Variants in PRIM2 observed in about 807,000 individuals in gnomAD.
PRIM2 encodes the protein DNA primase large subunit.
PRIM2 carries 39 observed loss-of-function variants against 67.3 expected under a neutral mutation model. That is an observed-to-expected ratio of 0.58 (90% CI 0.45 to 0.76). The LOEUF (loss-of-function observed/expected upper bound fraction) is 0.76. Ranked by LOEUF, PRIM2 falls within the 30% of genes least tolerant of loss-of-function variation. The probability of loss-of-function intolerance (pLI) is 0.00; values close to 1 mark genes in which losing one functional copy is unlikely to be tolerated. For synonymous variants in PRIM2, 143 were observed against 198.7 expected (o/e 0.72, Z 2.36); for missense variants, 398 against 598.7 (o/e 0.66, Z 3.50).
At chr6:57,361,467 C>T (rs1038642758) in intron 5 of PRIM2, among the ~76,000 whole-genome samples, 1 of 149,794 alleles carries the variant, frequency 6.7e-6, no homozygotes, top group African/African-American at 2.5e-5. Flanking sequence ...CCTCTTTCTC[C>T]TTCTTGATGC....
chr6:57,482,647 G>A lies in PRIM2; in HGVS notation c.694-24740G>A, dbSNP rs1386140078. 7.9e-5 allele frequency among the ~76,000 whole-genome samples: 12 copies of A among 152,240 alleles called. No individual in the cohort carries two copies. In the South Asian group the frequency reaches 1.5e-3, roughly 18 times the overall value. On this transcript the variant is annotated intron_variant, in intron 7 of 13. Transcript: ENST00000615550. The stretch of plus-strand genomic sequence containing the variant: ...AGAGAAAAGAGGAACCAGTAGTACC[G>A]TGAAAGATTGAAGATGCGTGTGAGG...
chr6:57,235,698 G>A, the PRIM2 span, among the ~76,000 whole-genome samples: 12,548 of 152,212 alleles, frequency 0.082, 584 homozygotes, highest in African/African-American at 0.11. Flanking sequence ...ATTGTGAGAT[G>A]GGGAGATTGT....
chr6:57,372,699 G>A (rs944042734), intron 5 of PRIM2, among the ~76,000 whole-genome samples: 2 of 152,190 alleles, frequency 1.3e-5, no homozygotes, highest in African/African-American at 4.8e-5. Context: ...ATGAGAACAT[G>A]TGGTATTTGG....
At chr6:57,232,530 C>T in the PRIM2 span, among the ~76,000 whole-genome samples, 1 of 152,108 alleles carries the variant, frequency 6.6e-6, no homozygotes, top group African/African-American at 2.4e-5. Context: ...GCCTGGGTGA[C>T]AGAGTAAGAC....
chr6:57,335,017 G>A (rs1356706413), intron 5 of PRIM2, among the ~76,000 whole-genome samples: 1 of 152,238 alleles, frequency 6.6e-6, no homozygotes, highest in Non-Finnish European at 1.5e-5. Flanking sequence ...CCGTGCACGA[G>A]CCGAAGCAGG....
At chr6:57,499,368 C>G (rs1392581071) in intron 7 of PRIM2, among the ~76,000 whole-genome samples, 2 of 152,170 alleles carry the variant, frequency 1.3e-5, no homozygotes, top group Non-Finnish European at 2.9e-5. Flanking sequence ...ACAACAGAAA[C>G]AAGGTCATTC....
intron 5 of PRIM2, among the ~76,000 whole-genome samples, chr6:57,338,109 A>G (rs954804344): frequency 6.6e-6 from 1 of 151,694 alleles, no homozygotes; most frequent in Non-Finnish European, 1.5e-5. Context: ...AAAATCTAGA[A>G]GAAATGGGTA....
intron 12 of PRIM2, among the ~76,000 whole-genome samples, chr6:57,626,407 A>G (rs1776949608): frequency 6.6e-6 from 1 of 152,208 alleles, no homozygotes; most frequent in Non-Finnish European, 1.5e-5. Context: ...GTTCTGTATC[A>G]TCTATGTTCC....
chr6:57,254,333 G>A, the PRIM2 span, among the ~76,000 whole-genome samples: 73 of 152,280 alleles, frequency 4.8e-4, no homozygotes, highest in African/African-American at 1.7e-3. Flanking sequence ...ATGGCAACAA[G>A]TCCACTGTTT....
At chr6:57,262,334 A>C in the PRIM2 span, among the ~76,000 whole-genome samples, 1 of 152,066 alleles carries the variant, frequency 6.6e-6, no homozygotes, top group Non-Finnish European at 1.5e-5. Context: ...TTTTTTTTAC[A>C]TACCGATTAT....
At chr6:57,268,250 C>A in the PRIM2 span, among the ~76,000 whole-genome samples, 69 of 152,250 alleles carry the variant, frequency 4.5e-4, 1 homozygote, top group African/African-American at 1.6e-3. Context: ...AGGAATGTAG[C>A]CAGAATGCCC....
chr6:57,644,563 T>C (rs1777300143), intron 13 of PRIM2, among the ~76,000 whole-genome samples: 1 of 152,228 alleles, frequency 6.6e-6, no homozygotes, highest in African/African-American at 2.4e-5. Flanking sequence ...CACAGTCTTT[T>C]ATATAGTAAG....
At chr6:57,619,873 A>C (rs1270516362) in intron 12 of PRIM2, among the ~76,000 whole-genome samples, 6 of 152,194 alleles carry the variant, frequency 3.9e-5, no homozygotes, top group African/African-American at 1.4e-4. Context: ...AAACTTCCCC[A>C]GCCTTGCTAG....
chr6:57,531,305 C>T (rs1174039788), intron 8 of PRIM2, among the ~76,000 whole-genome samples: 2 of 152,194 alleles, frequency 1.3e-5, no homozygotes, highest in Admixed American at 6.5e-5. Flanking sequence ...GGCATGCCAC[C>T]ATGCCCAGGT....
At chr6:57,527,874 T>G (rs2127466625) in intron 8 of PRIM2, among the ~76,000 whole-genome samples, 1 of 152,214 alleles carries the variant, frequency 6.6e-6, no homozygotes, top group East Asian at 1.9e-4. Flanking sequence ...CTCATTTCTA[T>G]CATATTCATC....
At chr6:57,471,464 G>A (rs1387816465) in intron 7 of PRIM2, among the ~76,000 whole-genome samples, 2 of 152,162 alleles carry the variant, frequency 1.3e-5, no homozygotes, top group African/African-American at 2.4e-5. Flanking sequence ...AGCAGTTAAA[G>A]GAGAGGAGGA....
At chr6:57,416,061 G>A (rs1249941059) in intron 7 of PRIM2, among the ~76,000 whole-genome samples, 1 of 152,094 alleles carries the variant, frequency 6.6e-6, no homozygotes, top group Non-Finnish European at 1.5e-5. Context: ...TTGGTGAATC[G>A]TTTCAGAAGG....
At chr6:57,361,032 T>C (rs1156280912) in intron 5 of PRIM2, among the ~76,000 whole-genome samples, 3 of 152,178 alleles carry the variant, frequency 2.0e-5, no homozygotes, top group Non-Finnish European at 4.4e-5. Context: ...GGGTATTTTA[T>C]TACAGTGTGA....
chr6:57,326,731 T>A (rs958898635), intron 5 of PRIM2, among the ~76,000 whole-genome samples: 7 of 149,620 alleles, frequency 4.7e-5, no homozygotes, highest in South Asian at 4.3e-4. Flanking sequence ...AAAAAAAAAA[T>A]AAAAACCATA....
Sources: allele counts gnomAD v4.1 joint callset (sites outside exome capture counted in the v4.1 genomes callset), GRCh38; gene constraint gnomAD v4.1.1; transcripts MANE v1.5; gene names NCBI Gene and HGNC (gene_info 2026-07-23, HGNC 2026-07-21).